TPRN: variants seen among roughly 807,000 people sequenced by gnomAD.
The protein encoded by TPRN is chromosome 9 open reading frame 75.
TPRN carries 32 observed loss-of-function variants against 42.6 expected under a neutral mutation model. The ratio of observed to expected loss-of-function variants is 0.75; its 90% CI spans 0.57 to 1.01. TPRN has a LOEUF of 1.01. Among genes scored for constraint, TPRN ranks in the 50% least tolerant of loss-of-function variants. The pLI, the probability that TPRN is intolerant of heterozygous loss-of-function variation, is 0.00. For synonymous variants in TPRN, 541 were observed against 445.6 expected (o/e 1.21, Z -2.70); for missense variants, 1,095 against 957.5 (o/e 1.14, Z -1.90).
In TPRN at chr9:137,199,810, G is replaced by A; in HGVS notation, c.902C>T (p.Pro301Leu). 1 of 1,596,168 alleles carries A rather than the reference G, an allele frequency of 6.3e-7. No individual in the cohort carries two copies. The highest frequency in any genetic ancestry group is 8.5e-7 in the Non-Finnish European group (1 of 1,171,870). ...TSTNDSFEIR[P>L]APKPVMETIP... ...GGTCTCCATAACTGGCTTGGGGGCC[G>A]GCCGTATCTCGAAGGAGTCGTTGGT... The change falls in exon 1 of 4, where the codon CCG becomes CTG. Residue 301 changes from proline (P) to leucine (L), a missense_variant. Transcript: ENST00000409012.
At position 137,199,921 on chromosome 9, in the gene TPRN, C is replaced by G; in HGVS notation, c.791G>C (p.Ser264Thr). Residue 264 changes from serine (S) to threonine (T), a missense_variant, in exon 1 of 4, where the codon AGC becomes ACC. Physicochemically the swap from Ser to Thr is moderately conservative, Grantham distance 58 (BLOSUM62 1). Coordinates refer to ENST00000409012, the MANE Select transcript of TPRN (RefSeq NM_001128228.3). ...TGGAGTGGCACTCGGGGTCCCGGGG[C>G]TGGGGGGCGGGTGGAGGGAGGGATC... Reference protein sequence around the residue: ...SGDPSLHPPPSPGTPSATPAS... With the variant: ...SGDPSLHPPPTPGTPSATPAS... The G allele has an allele frequency of 2.0e-5, 8 of 408,844 alleles. No individual in the cohort carries two copies. Among genetic ancestry groups the G allele is most frequent in the Non-Finnish European group, 3.1e-5 (8 of 260,096 alleles). 25.3% of individuals were successfully genotyped at this position (408,844 alleles called of 1,614,324 possible). A position where few individuals can be genotyped will look rare whatever the true frequency, so the allele number is the denominator to read the frequency against.
Position 137,192,532 on chromosome 9 carries a change from G to C in TPRN, c.1885C>G (p.Pro629Ala), listed in dbSNP as rs370538482. The C allele has an allele frequency of 5.8e-5, 93 of 1,608,022 alleles. No homozygotes were observed. The highest frequency in any genetic ancestry group is 6.8e-5 in the Non-Finnish European group (80 of 1,177,484). The change falls in exon 2 of 4, where the codon CCC becomes GCC. Residue 629 changes from proline to alanine, a missense_variant. Transcript: ENST00000409012. ...GCCCGGGGCAGGAAGAGTGCAAAGG[G>C]CTTCTCCTCTGAGCCGGATCCCTCT... is the stretch of plus-strand genomic sequence containing the variant. Reference protein sequence around the residue: ...EEEGSGSEEKPFALFLPRATF... With the variant: ...EEEGSGSEEKAFALFLPRATF...
intron 1 of TPRN, among the ~76,000 whole-genome samples, chr9:137,197,465 G>A (rs1393212208): frequency 6.6e-6 from 1 of 152,222 alleles, no homozygotes; most frequent in Non-Finnish European, 1.5e-5. Context: ...GTCCCAGGAA[G>A]AAGCCAGGCT....
rs1205042604 is a variant in TPRN, at chr9:137,192,039, G to A, written c.*73C>T. On this transcript the variant is annotated 3_prime_UTR_variant, in exon 4 of 4. Transcript: ENST00000409012. The stretch of plus-strand genomic sequence containing the variant: ...GCCAAACAAGGCAGAAGCGGGTGCA[G>A]TAGTCCCTGGCTACTGCCCAGCTTC... The A allele has an allele frequency of 6.4e-7, 1 of 1,568,254 alleles. No individual in the cohort carries two copies.
In TPRN at chr9:137,192,691, T is replaced by C. The variant is rs2131348978; in HGVS notation, c.1726A>G (p.Met576Val). ...CTTTTGTCGTTGAAGGAGATCTTCA[T>C]CTGGGAGTGAGAGTCACGTGAACGA... is the stretch of plus-strand genomic sequence containing the variant. ...LTKAGSSRKK[M>V]KISFNDKSLQ... The change falls in exon 2 of 4, where the codon ATG becomes GTG. Residue 576 changes from methionine (M) to valine (V), a missense_variant and splice_region_variant. Coordinates refer to ENST00000409012, the MANE Select transcript of TPRN (RefSeq NM_001128228.3). The C allele has an allele frequency of 6.2e-7, 1 of 1,613,552 alleles. No individual in the cohort carries two copies. Among genetic ancestry groups the C allele is most frequent in the Non-Finnish European group, 8.5e-7 (1 of 1,179,924 alleles).
At position 137,199,971 on chromosome 9, in the gene TPRN, C is replaced by T; in HGVS notation, c.741G>A (p.Gln247=). The T allele has an allele frequency of 1.4e-6, 2 of 1,453,424 alleles. No homozygotes were observed. Among genetic ancestry groups the T allele is most frequent in the Non-Finnish European group, 1.8e-6 (2 of 1,105,536 alleles). The allele number at this position is 1,453,424 out of a possible 1,614,324, so 90.0% of individuals were successfully genotyped here. ...RLAGSPPGSG[Q]WKPKVESGDP... ...CCCCCGACTCCACCTTTGGCTTCCACTGTCCCGACCCAGGCGGGGAGCCCG... is the reference window on the plus strand; with the variant it reads ...CCCCCGACTCCACCTTTGGCTTCCATTGTCCCGACCCAGGCGGGGAGCCCG... The change falls in exon 1 of 4, where the codon CAG becomes CAA. Residue 247 remains glutamine (Q), a synonymous_variant. Transcript: ENST00000409012.
chr9:137,195,429 CAAG>C (rs950946952), intron 1 of TPRN, among the ~76,000 whole-genome samples: 8 of 152,312 alleles, frequency 5.3e-5, no homozygotes, highest in Admixed American at 2.6e-4. Flanking sequence ...GGAAAACTGA[CAAG>C]AAGGGACTCA....
At chr9:137,198,197 G>A (rs750328994) in intron 1 of TPRN, among the ~76,000 whole-genome samples, 8 of 152,206 alleles carry the variant, frequency 5.3e-5, no homozygotes, top group Non-Finnish European at 1.0e-4. Context: ...ACAGGTCACC[G>A]CAGACCGGGA....
rs937298116 is a variant in TPRN, at chr9:137,199,415, C to T, written c.1297G>A (p.Ala433Thr). 69 of 1,612,228 alleles carry T rather than the reference C, an allele frequency of 4.3e-5. No individual in the cohort carries two copies. The highest frequency in any genetic ancestry group is 5.8e-5 in the Non-Finnish European group (68 of 1,179,756). Residue 433 changes from alanine to threonine, a missense_variant, in exon 1 of 4, where the codon GCT (alanine) becomes ACT (threonine). By Grantham distance (58) the Ala-to-Thr change is moderately conservative. Transcript: ENST00000409012. ...AAGCCAGGAACCCTGAGGCCCTCAG[C>T]AGGCTCAGCTTCTTCCGAAGCAGCC... ...LPAASEEAEPAEGLRVPGLAK... is the reference protein window; with the variant it reads ...LPAASEEAEPTEGLRVPGLAK...
chr9:137,195,295 G>T (rs1471570716), intron 1 of TPRN, among the ~76,000 whole-genome samples: 1 of 152,276 alleles, frequency 6.6e-6, no homozygotes, highest in Admixed American at 6.5e-5. Context: ...CCAGCGCCAG[G>T]CACGGCCTCC....
chr9:137,199,771 T>TC lies in TPRN; in HGVS notation c.940dup (p.Asp314GlyfsTer33), dbSNP rs1834772083. 1.2e-6 allele frequency: 2 copies of TC among 1,610,228 alleles called. No homozygotes were observed. The highest frequency in any genetic ancestry group is 1.3e-5 in the African/African-American group (1 of 74,842). ...GCTGGCCAGCGCCCGGGCCTGGAGG[T>TC]CCCCCAAGGGGATGGTCTCCATAAC... On this transcript the variant is annotated frameshift_variant, in exon 1 of 4. Coordinates refer to ENST00000409012, the MANE Select transcript of TPRN (RefSeq NM_001128228.3). LOFTEE classifies it high-confidence loss of function.
rs1440454273 is a variant in TPRN at position 137,200,172 on chromosome 9, G to A, written c.540C>T (p.Pro180=). The change falls in exon 1 of 4, where the codon CCC becomes CCT. Residue 180 remains proline, a synonymous_variant. Transcript: ENST00000409012. This position sits in a 1 kb window ranked among gnomAD's most constrained non-coding sequence, Gnocchi z 4.3. ...GGCTCGCCCCGCCACCGCGGGGCCC[G>A]GGCGCGGCGGGCGGGCTGGGGGCCG... ...PPAAPSPPAA[P]GPRGGGASPG... is the part of the protein sequence containing the mutation. The A allele has an allele frequency of 3.6e-6, 4 of 1,102,426 alleles. No homozygotes were observed. Among genetic ancestry groups the A allele is most frequent in the Non-Finnish European group, 4.4e-6 (4 of 906,492 alleles). 68.3% of individuals were successfully genotyped at this position (1,102,426 alleles called of 1,614,324 possible).
chr9:137,195,854 A>G (rs1439783020), intron 1 of TPRN, among the ~76,000 whole-genome samples: 1 of 152,106 alleles, frequency 6.6e-6, no homozygotes, highest in Non-Finnish European at 1.5e-5. Context: ...TGGGTGTCCC[A>G]CCCTCCAGGA....
chr9:137,191,817 T>G lies in TPRN; in HGVS notation c.*295A>C, dbSNP rs1274727174. 2.0e-6 allele frequency: 1 copy of G among 497,778 alleles called. No individual in the cohort carries two copies. Among genetic ancestry groups the G allele is most frequent in the African/African-American group, 1.9e-5 (1 of 51,460 alleles). 30.8% of individuals were successfully genotyped at this position (497,778 alleles called of 1,614,324 possible). On this transcript the variant is annotated 3_prime_UTR_variant, in exon 4 of 4. Transcript: ENST00000409012. Reference sequence around the variant, plus strand: ...ACAGGGAATGGCCAGGTGCAGAATCTGCACAGCCCCCTGCCGGGTCGCAGA... The same window carrying G: ...ACAGGGAATGGCCAGGTGCAGAATCGGCACAGCCCCCTGCCGGGTCGCAGA...
At chr9:137,194,402 G>A (rs1318548929) in intron 1 of TPRN, 2 of 152,190 alleles carry the variant, frequency 1.3e-5, no homozygotes, top group Non-Finnish European at 2.9e-5. Context: ...AGGGCTGGTG[G>A]CTAGAGCTCT....
chr9:137,195,794 G>C (rs1834696489), intron 1 of TPRN, among the ~76,000 whole-genome samples: 1 of 152,202 alleles, frequency 6.6e-6, no homozygotes. Flanking sequence ...TCCACGAAGA[G>C]GAAAAGCTAC....
In TPRN at chr9:137,199,762, G is replaced by T. The variant is rs368102306; in HGVS notation, c.950C>A (p.Ala317Asp). The change falls in exon 1 of 4, where the codon GCC becomes GAC. Residue 317 changes from alanine (A) to aspartate (D), a missense_variant. Coordinates refer to ENST00000409012, the MANE Select transcript of TPRN (RefSeq NM_001128228.3). The stretch of plus-strand genomic sequence containing the variant: ...TGCGCGGAGGCTGGCCAGCGCCCGG[G>T]CCTGGAGGTCCCCCAAGGGGATGGT... ...METIPLGDLQ[A>D]RALASLRANS... The T allele has an allele frequency of 1.6e-5, 25 of 1,611,334 alleles. No individual in the cohort carries two copies. Among genetic ancestry groups the T allele is most frequent in the Non-Finnish European group, 2.1e-5 (25 of 1,179,466 alleles).
Position 137,192,005 on chromosome 9 carries a change from T to G in TPRN, c.*107A>C. The stretch of plus-strand genomic sequence containing the variant: ...CCAGGGCCAGGAGGGGTGGGTGGGA[T>G]ACAGTGAGGCCAAACAAGGCAGAAG... On this transcript the variant is annotated 3_prime_UTR_variant, in exon 4 of 4. Transcript: ENST00000409012. 7.2e-7 allele frequency: 1 copy of G among 1,394,150 alleles called. No individual in the cohort carries two copies. Among genetic ancestry groups the G allele is most frequent in the South Asian group, 1.2e-5 (1 of 83,370 alleles). 86.4% of individuals were successfully genotyped at this position (1,394,150 alleles called of 1,614,324 possible). A position where few individuals can be genotyped will look rare whatever the true frequency, so the allele number is the denominator to read the frequency against.
rs1228535385 is a variant in TPRN, at chr9:137,199,814, G to C, written c.898C>G (p.Arg300Gly). ...ATSTNDSFEI[R>G]PAPKPVMETI... ...TCCATAACTGGCTTGGGGGCCGGCC[G>C]TATCTCGAAGGAGTCGTTGGTGCTG... The change falls in exon 1 of 4, where the codon CGG (arginine) becomes GGG (glycine). Residue 300 changes from arginine to glycine, a missense_variant. By Grantham distance (125) the Arg-to-Gly change is moderately radical. Coordinates refer to ENST00000409012, the MANE Select transcript of TPRN (RefSeq NM_001128228.3). 6.3e-7 allele frequency: 1 copy of C among 1,591,952 alleles called. No homozygotes were observed. Among genetic ancestry groups the C allele is most frequent in the East Asian group, 2.3e-5 (1 of 43,884 alleles).
Sources: allele counts gnomAD v4.1 joint callset (sites outside exome capture counted in the v4.1 genomes callset), GRCh38; gene constraint gnomAD v4.1.1; non-coding constraint Gnocchi (gnomAD v3.1); transcripts MANE v1.5; gene names NCBI Gene and HGNC (gene_info 2026-07-23, HGNC 2026-07-21).